The following HMCN2 variants were observed in gnomAD, a reference collection of about 807,000 sequenced individuals.
The protein encoded by HMCN2 is hemicentin-2.
HMCN2 carries 325 observed loss-of-function variants against 377.5 expected under a neutral mutation model. That is an observed-to-expected ratio of 0.86 (90% CI 0.79 to 0.94). The LOEUF is 0.94. HMCN2 is among the 40% of genes least tolerant of loss of function. The probability of loss-of-function intolerance (pLI) is 0.00; values close to 1 mark genes in which losing one functional copy is unlikely to be tolerated. For missense variants in HMCN2, 4,543 were observed against 4,725.3 expected (o/e 0.96, Z 1.13); for synonymous variants, 2,007 against 2,046.8 (o/e 0.98, Z 0.53).
At chr9:130,269,764 T>A (rs1338641384) in intron 1 of HMCN2, among the ~76,000 whole-genome samples, 1 of 144,152 alleles carries the variant, frequency 6.9e-6, no homozygotes, top group Non-Finnish European at 1.6e-5. Flanking sequence ...TTAGTTGGAA[T>A]GAGGACCTTA....
chr9:130,317,114 C>A (rs1443684084), intron 15 of HMCN2, among the ~76,000 whole-genome samples: 2 of 150,858 alleles, frequency 1.3e-5, no homozygotes, highest in African/African-American at 4.9e-5. Context: ...CTGGCTGGGG[C>A]AGCCACCAGG....
rs142395981 is a variant in HMCN2 at position 130,397,204 on chromosome 9, C to T, written c.11199-324C>T. Among the ~76,000 whole-genome samples the T allele has an allele frequency of 3.9e-5, 6 of 152,330 alleles. No homozygotes were observed. In the East Asian group the frequency reaches 9.6e-4, roughly 24 times the overall value. On this transcript the variant is annotated intron_variant, in intron 73 of 97. Transcript: ENST00000683500. Reference sequence around the variant, plus strand: ...GAAAGGAGGAACAAGTTACATCTTACGTGGATGGCAGCAGGCAAAGAGAGA... The same window carrying T: ...GAAAGGAGGAACAAGTTACATCTTATGTGGATGGCAGCAGGCAAAGAGAGA...
In HMCN2 at chr9:130,330,353, C is replaced by T. The variant is rs1022031977; in HGVS notation, c.3359+2878C>T. 3.3e-5 allele frequency among the ~76,000 whole-genome samples: 5 copies of T among 152,156 alleles called. No homozygotes were observed. The South Asian group carries it at 1.0e-3, about 32-fold the overall frequency. On this transcript the variant is annotated intron_variant, in intron 22 of 97. Coordinates refer to ENST00000683500, the MANE Select transcript of HMCN2 (RefSeq NM_001291815.2). The stretch of plus-strand genomic sequence containing the variant: ...CAAGATGTGCTGAGCCTCTGCGGCC[C>T]CCTCCATTCCCCTTGTCCAGGGGTG...
intron 40 of HMCN2, 68 bp from the exon 41 acceptor site, chr9:130,364,646 G>C (rs1364840702): frequency 3.5e-6 from 3 of 864,262 alleles, no homozygotes; most frequent in Non-Finnish European, 4.2e-6. Flanking sequence ...CCTGACCCAG[G>C]GTGTGGCCCC....
At chr9:130,311,544 A>G (rs1026992706) in intron 15 of HMCN2, among the ~76,000 whole-genome samples, 4 of 152,126 alleles carry the variant, frequency 2.6e-5, no homozygotes, top group African/African-American at 9.7e-5. Context: ...ACAGGGAATG[A>G]GCATGCACAG....
intron 25 of HMCN2, among the ~76,000 whole-genome samples, chr9:130,346,898 G>C (rs1049328975): frequency 0.044 from 6,633 of 152,182 alleles, 194 homozygotes; most frequent in African/African-American, 0.078. Context: ...GCTGTGAAGA[G>C]AACCAGAAAA....
intron 4 of HMCN2, among the ~76,000 whole-genome samples, chr9:130,287,151 C>A (rs1835457924): frequency 6.6e-6 from 1 of 152,202 alleles, no homozygotes; most frequent in African/African-American, 2.4e-5. Flanking sequence ...GGCTCCCACA[C>A]ACCACTGGAT....
chr9:130,313,525 T>C (rs1212503531), intron 15 of HMCN2, among the ~76,000 whole-genome samples: 1 of 152,170 alleles, frequency 6.6e-6, no homozygotes, highest in Non-Finnish European at 1.5e-5. Context: ...AGAGCTGTGC[T>C]CATAGGGCCC....
intron 76 of HMCN2, chr9:130,400,148 A>G (rs892371669): frequency 1.3e-5 from 2 of 152,470 alleles, no homozygotes; most frequent in Admixed American, 6.5e-5. Flanking sequence ...TTCAGATCGC[A>G]GGTTAAATGC....
At position 130,411,589 on chromosome 9, in the gene HMCN2, A is replaced by T. The variant is rs144806486; in HGVS notation, c.12961+937A>T. On this transcript the variant is annotated intron_variant, in intron 85 of 97. Transcript: ENST00000683500. ...CACTCCAGCCTGGTTGACAGGCAAG[A>T]CTCAATCTCAAAAAAAAAAAAAAAA... Among the ~76,000 whole-genome samples the T allele has an allele frequency of 3.3e-3, 401 of 122,958 alleles. 4 individuals are homozygous for T. The highest frequency in any genetic ancestry group is 0.011 in the African/African-American group (369 of 34,438). 80.7% of individuals were successfully genotyped at this position (122,958 alleles called of 152,430 possible).
chr9:130,326,378 A>C (rs1838133803), intron 21 of HMCN2, among the ~76,000 whole-genome samples: 1 of 152,210 alleles, frequency 6.6e-6, no homozygotes, highest in South Asian at 2.1e-4. Context: ...TGATTCAATA[A>C]TTAATCACAC....
chr9:130,433,798 C>G lies in HMCN2; in HGVS notation c.*105C>G. 1.0e-6 allele frequency: 1 copy of G among 957,510 alleles called. No individual in the cohort carries two copies. Among genetic ancestry groups the G allele is most frequent in the Non-Finnish European group, 1.5e-6 (1 of 686,404 alleles). The allele number at this position is 957,510 out of a possible 1,614,324, so 59.3% of individuals were successfully genotyped here. A position where few individuals can be genotyped will look rare whatever the true frequency, so the allele number is the denominator to read the frequency against. ...TGTGGCAAGCGGAGCGTCATCGTCT[C>G]CCGCCCCGTGCGTCAGCGAGACCTT... On this transcript the variant is annotated 3_prime_UTR_variant, in exon 98 of 98. Transcript: ENST00000683500.
At chr9:130,390,663 G>A (rs920679962) in intron 62 of HMCN2, among the ~76,000 whole-genome samples, 1 of 152,122 alleles carries the variant, frequency 6.6e-6, no homozygotes, top group Non-Finnish European at 1.5e-5. Flanking sequence ...TTGATAGACA[G>A]GGGTAGAGGG....
intron 86 of HMCN2, among the ~76,000 whole-genome samples, chr9:130,421,804 C>G (rs776451301): frequency 2.6e-5 from 4 of 152,202 alleles, no homozygotes; most frequent in Non-Finnish European, 5.9e-5. Context: ...TAACCAGCCC[C>G]TTGATTCATC....
At chr9:130,319,197 C>T (rs1837719923) in intron 15 of HMCN2, among the ~76,000 whole-genome samples, 1 of 152,140 alleles carries the variant, frequency 6.6e-6, no homozygotes, top group East Asian at 1.9e-4. Flanking sequence ...GAGGGGCTTC[C>T]TGGGAGGTGT....
Position 130,369,832 on chromosome 9 carries a change from G to T in HMCN2, c.7050G>T (p.Lys2350Asn). The T allele has an allele frequency of 3.0e-6, 3 of 986,168 alleles. No homozygotes were observed. The highest frequency in any genetic ancestry group is 3.6e-6 in the Non-Finnish European group (3 of 830,340). The allele number at this position is 986,168 out of a possible 1,614,324, so 61.1% of individuals were successfully genotyped here. A position where few individuals can be genotyped will look rare whatever the true frequency, so the allele number is the denominator to read the frequency against. Residue 2350 changes from lysine to asparagine, a missense_variant, in exon 45 of 98, where the codon AAG becomes AAT. By Grantham distance (94) the Lys-to-Asn change is moderately conservative. Transcript: ENST00000683500. The surrounding 1 kb of genome is among the most constrained non-coding windows in gnomAD (Gnocchi z 4.5). The stretch of plus-strand genomic sequence containing the variant: ...ACCTGGCTGGGAGGGCAGAGAGGAA[G>T]TTTGAGCTCTCCGTACTGGGTGAGG... Reference protein sequence around the residue: ...AENLAGRAERKFELSVLVPPE... With the variant: ...AENLAGRAERNFELSVLVPPE...
rs1053681697 is a variant in HMCN2 at position 130,360,235 on chromosome 9, A to G, written c.5774-193A>G. 1.3e-5 allele frequency among the ~76,000 whole-genome samples: 2 copies of G among 152,076 alleles called. No individual in the cohort carries two copies. The highest frequency in any genetic ancestry group is 4.8e-5 in the African/African-American group (2 of 41,396). On this transcript the variant is annotated intron_variant, in intron 37 of 97. Transcript: ENST00000683500. The surrounding 1 kb of genome is among the most constrained non-coding windows in gnomAD (Gnocchi z 4.7). Reference sequence around the variant, plus strand: ...GAAAAAATAGTGTGGTCACCCTGGAAGTTTCTCTTGGGTGCCCACCACACC... The same window carrying G: ...GAAAAAATAGTGTGGTCACCCTGGAGGTTTCTCTTGGGTGCCCACCACACC...
At chr9:130,383,625 C>T (rs959062104) in intron 57 of HMCN2, 25 bp downstream of exon 57, 3 of 974,722 alleles carry the variant, frequency 3.1e-6, no homozygotes, top group African/African-American at 1.8e-5. Context: ...GCAGGCAGCC[C>T]CTGTGGGTTC....
At chr9:130,320,200 C>T (rs1837771491) in intron 16 of HMCN2, among the ~76,000 whole-genome samples, 156 bp from the exon 17 acceptor site, 1 of 152,218 alleles carries the variant, frequency 6.6e-6, no homozygotes, top group Admixed American at 6.5e-5. Flanking sequence ...GTGTCCCTCA[C>T]CCCTTCCCTC....
Sources: gnomAD v4.1 joint callset for allele counts (sites outside exome capture counted in the v4.1 genomes callset) on GRCh38, gnomAD v4.1.1 for gene constraint, Gnocchi (gnomAD v3.1) non-coding constraint, MANE v1.5 for transcripts, NCBI Gene and HGNC (gene_info 2026-07-23, HGNC 2026-07-21) for gene names.